The following PTPRK variants were observed in gnomAD, a reference collection of about 807,000 sequenced individuals.
PTPRK encodes receptor-type tyrosine-protein phosphatase kappa.
PTPRK carries 75 observed loss-of-function variants against 178.0 expected under a neutral mutation model. The observed-to-expected ratio is 0.42, with a 90% CI of 0.35 to 0.51. PTPRK has a LOEUF of 0.51. Among genes scored for constraint, PTPRK ranks in the 20% least tolerant of loss-of-function variants. The pLI, the probability that PTPRK is intolerant of heterozygous loss-of-function variation, is 0.02. For synonymous variants in PTPRK, 637 were observed against 620.6 expected, an observed-to-expected ratio of 1.03 and a Z score of -0.39; for missense variants, 1,441 against 1,797.8, an observed-to-expected ratio of 0.80 and a Z score of 3.59.
chr6:128,374,148 A>G (rs1836687375), intron 2 of PTPRK, among the ~76,000 whole-genome samples: 1 of 152,080 alleles, frequency 6.6e-6, no homozygotes, highest in Non-Finnish European at 1.5e-5. Context: ...TTATTGATAT[A>G]TTTCTCAATA....
intron 28 of PTPRK, 43 bp downstream of exon 28, chr6:127,973,621 G>A (rs372860488): frequency 6.8e-5 from 109 of 1,599,868 alleles, no homozygotes; most frequent in African/African-American, 9.4e-5. Context: ...GAGAAAATAA[G>A]CACCAAGGCC....
In PTPRK at chr6:128,445,225, A is replaced by C. The variant is rs536517625; in HGVS notation, c.101-47537T>G. 8.2e-5 allele frequency among the ~76,000 whole-genome samples: 12 copies of C among 146,786 alleles called. No individual in the cohort carries two copies. The South Asian group carries it at 2.5e-3, about 31-fold the overall frequency. On this transcript the variant is annotated intron_variant, in intron 1 of 29. Coordinates refer to ENST00000368226, the MANE Select transcript of PTPRK (RefSeq NM_002844.4). ...TTATATATATATATATATATAATTT[A>C]TATATAATAGTATAAATACTATATA...
intron 6 of PTPRK, among the ~76,000 whole-genome samples, chr6:128,217,330 C>A (rs1368284984): frequency 6.6e-6 from 1 of 151,282 alleles, no homozygotes; most frequent in Admixed American, 6.6e-5. Context: ...TGAAAATAGT[C>A]GTATTTAATC....
At chr6:128,253,910 G>A (rs977922651) in intron 3 of PTPRK, among the ~76,000 whole-genome samples, 6 of 152,162 alleles carry the variant, frequency 3.9e-5, no homozygotes, top group African/African-American at 1.2e-4. Flanking sequence ...TTTGAGTGAA[G>A]AGATAAGATA....
rs143356977 is a variant in PTPRK, at chr6:128,486,685, A to T, written c.100+33574T>A. Among the ~76,000 whole-genome samples, 5 of 152,002 alleles carry T rather than the reference A, an allele frequency of 3.3e-5. No homozygotes were observed. In the East Asian group the frequency reaches 9.7e-4, roughly 30 times the overall value. ...AGGCATGGAGGCATGTGCCTGCAGC[A>T]TCCACCTACTGGGGAGGCTGAGGTG... On this transcript the variant is annotated intron_variant, in intron 1 of 29. Transcript: ENST00000368226.
At position 128,133,654 on chromosome 6, in the gene PTPRK, C is replaced by T. The variant is rs988821196; in HGVS notation, c.1163-43662G>A. Reference sequence around the variant, plus strand: ...TGTGTGGTAGAAAACAGAAAAGCTACAAGCAAGCAAAAACCAAAAATACTT... The same window carrying T: ...TGTGTGGTAGAAAACAGAAAAGCTATAAGCAAGCAAAAACCAAAAATACTT... On this transcript the variant is annotated intron_variant, in intron 7 of 29. Coordinates refer to ENST00000368226, the MANE Select transcript of PTPRK (RefSeq NM_002844.4). Among the ~76,000 whole-genome samples, 6 of 151,162 alleles carry T rather than the reference C, an allele frequency of 4.0e-5. No individual in the cohort carries two copies. In the South Asian group the frequency reaches 1.3e-3, roughly 32 times the overall value.
At chr6:128,061,238 CAG>C (rs1053151269) in intron 13 of PTPRK, among the ~76,000 whole-genome samples, 2 of 151,848 alleles carry the variant, frequency 1.3e-5, no homozygotes, top group Non-Finnish European at 2.9e-5. Flanking sequence ...AAATAATTTC[CAG>C]AGAGAGAGTG....
intron 7 of PTPRK, among the ~76,000 whole-genome samples, chr6:128,169,610 C>G (rs1270049423): frequency 6.6e-6 from 1 of 151,900 alleles, no homozygotes; most frequent in Non-Finnish European, 1.5e-5. Context: ...TTTCATCATA[C>G]CTTGATTCTC....
intron 7 of PTPRK, among the ~76,000 whole-genome samples, chr6:128,174,974 C>G (rs1165949061): frequency 1.3e-5 from 2 of 151,910 alleles, no homozygotes; most frequent in Non-Finnish European, 2.9e-5. Context: ...TATGAGTTTA[C>G]ACTAGTGCCT....
intron 7 of PTPRK, among the ~76,000 whole-genome samples, chr6:128,096,457 A>G (rs571627393): frequency 6.6e-5 from 10 of 152,130 alleles, no homozygotes; most frequent in Non-Finnish European, 1.3e-4. Context: ...TTGTAGCGAT[A>G]ATTTCTAGTT....
intron 13 of PTPRK, among the ~76,000 whole-genome samples, chr6:128,034,185 A>G (rs2114808966): frequency 6.6e-6 from 1 of 152,324 alleles, no homozygotes; most frequent in Admixed American, 6.5e-5. Context: ...TCTTTTCACC[A>G]GAAACATCTA....
intron 3 of PTPRK, among the ~76,000 whole-genome samples, chr6:128,249,075 T>A (rs1460730009): frequency 2.0e-5 from 3 of 152,100 alleles, no homozygotes; most frequent in Non-Finnish European, 4.4e-5. Context: ...CCAAAGAAGT[T>A]TCCATTATAT....
intron 13 of PTPRK, among the ~76,000 whole-genome samples, chr6:128,044,598 G>T (rs1370640437): frequency 6.6e-6 from 1 of 151,778 alleles, no homozygotes; most frequent in Non-Finnish European, 1.5e-5. Context: ...CTTTGCATCT[G>T]CTGTTCCTTC....
rs770248575 is a variant in PTPRK at position 128,067,520 on chromosome 6, T to A, written c.2156A>T (p.Lys719Met). ...AAGCAAATCCTGGAGGAAGCTCACC[T>A]TCTCCACACTGCTCATCGCCTGGAA... is the stretch of plus-strand genomic sequence containing the variant. The part of the protein sequence containing the change: ...IYFQAMSSVE[K>M]ETKTQCVRIA... Residue 719 changes from lysine (K) to methionine (M), a missense_variant and splice_region_variant, in exon 12 of 30, where the codon AAG becomes ATG. This residue lies in a region of PTPRK where 945 missense variants were observed against 1,080.6 expected (regional missense o/e 0.87). Coordinates refer to ENST00000368226, the MANE Select transcript of PTPRK (RefSeq NM_002844.4). 1 of 1,490,122 alleles carries A rather than the reference T, an allele frequency of 6.7e-7. No homozygotes were observed. Among genetic ancestry groups the A allele is most frequent in the Non-Finnish European group, 9.0e-7 (1 of 1,110,226 alleles). 92.3% of individuals were successfully genotyped at this position (1,490,122 alleles called of 1,614,324 possible).
At chr6:128,354,480 C>T (rs1164343010) in intron 2 of PTPRK, among the ~76,000 whole-genome samples, 1 of 151,860 alleles carries the variant, frequency 6.6e-6, no homozygotes, top group Non-Finnish European at 1.5e-5. Context: ...CATGATCTGC[C>T]CGCCTCGGCC....
At chr6:128,282,334 T>C (rs1007648991) in intron 3 of PTPRK, among the ~76,000 whole-genome samples, 2 of 152,222 alleles carry the variant, frequency 1.3e-5, no homozygotes, top group Admixed American at 6.5e-5. Flanking sequence ...CAAGCTATTA[T>C]ATACATGTAG....
chr6:128,067,648 C>T lies in PTPRK; in HGVS notation c.2028G>A (p.Pro676=), dbSNP rs766254642. The T allele has an allele frequency of 1.7e-5, 28 of 1,613,490 alleles. No homozygotes were observed. The highest frequency in any genetic ancestry group is 8.0e-5 in the African/African-American group (6 of 74,940). The change falls in exon 12 of 30, where the codon CCG becomes CCA. Residue 676 remains proline, a synonymous_variant. Coordinates refer to ENST00000368226, the MANE Select transcript of PTPRK (RefSeq NM_002844.4). ...APYYFAAELP[P]GNLPEPAPFT... ...ACGGGGCAGGCTCAGGTAGGTTTCC[C>T]GGGGGGAGTTCTGCAGCAAAGTAAT...
At chr6:128,114,383 G>C (rs1026480339) in intron 7 of PTPRK, among the ~76,000 whole-genome samples, 1 of 151,808 alleles carries the variant, frequency 6.6e-6, no homozygotes, top group Non-Finnish European at 1.5e-5. Context: ...TTTCAGAGGC[G>C]GAGGTGGGCG....
At chr6:128,217,932 C>A (rs1447460663) in intron 6 of PTPRK, among the ~76,000 whole-genome samples, 1 of 152,162 alleles carries the variant, frequency 6.6e-6, no homozygotes, top group Non-Finnish European at 1.5e-5. Context: ...TCATTTGTGT[C>A]AATATTGATT....
Sources: allele counts gnomAD v4.1 joint callset (sites outside exome capture counted in the v4.1 genomes callset), GRCh38; gene constraint gnomAD v4.1.1; regional missense constraint gnomAD v4.1.1; transcripts MANE v1.5; gene names NCBI Gene and HGNC (gene_info 2026-07-23, HGNC 2026-07-21).